Variants in SVEP1 observed in about 807,000 individuals in gnomAD.
SVEP1 encodes sushi, von Willebrand factor type A, EGF and pentraxin domain-containing protein 1.
A neutral mutation model predicts 367.3 loss-of-function variants in SVEP1; 164 were observed. That is an observed-to-expected ratio of 0.45 (90% CI 0.39 to 0.51). The LOEUF is 0.51. Among genes scored for constraint, SVEP1 ranks in the 20% least tolerant of loss-of-function variants. The probability of loss-of-function intolerance (pLI) is 0.00; values close to 1 mark genes in which losing one functional copy is unlikely to be tolerated. For synonymous variants in SVEP1, 1,666 were observed against 1,611.6 expected, an observed-to-expected ratio of 1.03 and a Z score of -0.81; for missense variants, 4,117 against 4,425.3, an observed-to-expected ratio of 0.93 and a Z score of 1.98.
chr9:110,407,947 G>A lies in SVEP1; in HGVS notation c.7653C>T (p.Cys2551=), dbSNP rs1827980520. Residue 2551 remains cysteine (C), a synonymous_variant, in exon 38 of 48, where the codon TGC becomes TGT. Coordinates refer to ENST00000374469, the MANE Select transcript of SVEP1 (RefSeq NM_153366.4). ...TGDWDVDAPS[C]NAIHCDSPQP... ...GTGGGGAATCACAGTGGATGGCATT[G>A]CAAGATGGGGCATCTACATCCCAAT... is the stretch of plus-strand genomic sequence containing the variant. The A allele has an allele frequency of 6.2e-7, 1 of 1,614,004 alleles. No individual in the cohort carries two copies. Among genetic ancestry groups the A allele is most frequent in the South Asian group, 1.1e-5 (1 of 91,084 alleles).
chr9:110,498,101 A>G (rs1378946245), intron 7 of SVEP1, among the ~76,000 whole-genome samples: 1 of 152,222 alleles, frequency 6.6e-6, no homozygotes, highest in Non-Finnish European at 1.5e-5. Context: ...TGGCATTTAA[A>G]GTTGTAAATG....
chr9:110,533,382 T>C (rs998347985), intron 3 of SVEP1, among the ~76,000 whole-genome samples: 1 of 152,190 alleles, frequency 6.6e-6, no homozygotes, highest in East Asian at 1.9e-4. Flanking sequence ...ACTCATGTCA[T>C]AGAGATGAAA....
rs759578781 is a variant in SVEP1 at position 110,411,486 on chromosome 9, C to A, written c.6225G>T (p.Met2075Ile). Residue 2075 changes from methionine to isoleucine, a missense_variant, in exon 37 of 48, where the codon ATG becomes ATT. Met to Ile is a conservative substitution (Grantham distance 10, BLOSUM62 1). Around this residue, in one of 4 missense-constraint regions of SVEP1, gnomAD observed 2,174 missense variants for 2,494.3 expected, o/e 0.87. Transcript: ENST00000374469. Reference protein sequence around the residue: ...GKWVPPEGQDMPRCIAHFCEK... With the variant: ...GKWVPPEGQDIPRCIAHFCEK... ...CACAGAAATGAGCTATACAACGGGG[C>A]ATGTCTTGACCTTCTGGGGGTACCC... The A allele has an allele frequency of 6.2e-6, 10 of 1,614,012 alleles. No homozygotes were observed. The South Asian group carries it at 1.1e-4, about 18-fold the overall frequency.
intron 19 of SVEP1, 35 bp from the exon 20 acceptor site, chr9:110,458,597 A>C (rs868023199): frequency 6.4e-7 from 1 of 1,570,128 alleles, no homozygotes. Context: ...TCAGTGTGGC[A>C]AATATGCCAG....
intron 23 of SVEP1, 25 bp from the exon 24 acceptor site, chr9:110,450,285 C>G: frequency 6.2e-7 from 1 of 1,611,068 alleles, no homozygotes; most frequent in Non-Finnish European, 8.5e-7. Context: ...GGAAGAGAAA[C>G]AGCCCAAATG....
In SVEP1 at chr9:110,434,386, T is replaced by A; in HGVS notation, c.5009A>T (p.Gln1670Leu). Residue 1670 changes from glutamine to leucine, a missense_variant, in exon 30 of 48, where the codon CAG becomes CTG. Gln to Leu is a moderately radical substitution (Grantham distance 113). Transcript: ENST00000374469. ...CCACTGTCCTTGATTCAGACAGTAC[T>A]GCACAGGGTTCCCGACCAGCTGGAA... is the stretch of plus-strand genomic sequence containing the variant. ...PGFQLVGNPV[Q>L]YCLNQGQWTQ... is the part of the protein sequence containing the mutation. 1 of 1,613,372 alleles carries A rather than the reference T, an allele frequency of 6.2e-7. No individual in the cohort carries two copies. Among genetic ancestry groups the A allele is most frequent in the Non-Finnish European group, 8.5e-7 (1 of 1,179,664 alleles).
chr9:110,390,341 T>TTG (rs1827632190), intron 40 of SVEP1, among the ~76,000 whole-genome samples: 1 of 30,424 alleles, frequency 3.3e-5, no homozygotes, highest in African/African-American at 2.6e-4. Flanking sequence ...ATACACATAC[T>TTG]TATATACACT....
chr9:110,455,456 T>G (rs1421040641), intron 22 of SVEP1, 134 bp downstream of exon 22: 2 of 667,048 alleles, frequency 3.0e-6, no homozygotes, highest in East Asian at 5.9e-5. Context: ...TAAGTAATAT[T>G]AGAAAATATG....
intron 40 of SVEP1, among the ~76,000 whole-genome samples, chr9:110,398,804 C>G (rs1588033630): frequency 6.6e-6 from 1 of 152,184 alleles, no homozygotes; most frequent in African/African-American, 2.4e-5. Flanking sequence ...GATGCCATCT[C>G]ACACCAGTTA....
At position 110,460,484 on chromosome 9, in the gene SVEP1, G is replaced by A. The variant is rs536433635; in HGVS notation, c.3323-1371C>T. On this transcript the variant is annotated intron_variant, in intron 18 of 47. Transcript: ENST00000374469. ...ATTCAAAGGAGTGGTGGGGTATGGT[G>A]GCTCATGCCTGTAACCCCAGCACTT... 2.0e-5 allele frequency among the ~76,000 whole-genome samples: 3 copies of A among 152,278 alleles called. No individual in the cohort carries two copies. The South Asian group carries it at 6.2e-4, about 32-fold the overall frequency.
intron 24 of SVEP1, among the ~76,000 whole-genome samples, chr9:110,447,661 TAGTG>T (rs35104176): frequency 0.011 from 1,632 of 152,346 alleles, 14 homozygotes; most frequent in Non-Finnish European, 0.014. Flanking sequence ...AAGTCCCATA[TAGTG>T]AGTAAGACTA....
chr9:110,434,616 G>A, intron 29 of SVEP1, 110 bp from the exon 30 acceptor site: 1 of 696,610 alleles, frequency 1.4e-6, no homozygotes, highest in South Asian at 3.2e-5. Flanking sequence ...CCACCTTACT[G>A]ATGTGAAAAC....
intron 41 of SVEP1, 147 bp downstream of exon 41, chr9:110,389,377 G>T: frequency 2.4e-6 from 2 of 828,418 alleles, no homozygotes; most frequent in Non-Finnish European, 3.7e-6. Flanking sequence ...CTGCCCTTGA[G>T]AAAAAGCCCA....
At chr9:110,529,284 T>C (rs566174986) in intron 3 of SVEP1, among the ~76,000 whole-genome samples, 29 of 152,098 alleles carry the variant, frequency 1.9e-4, no homozygotes, top group East Asian at 1.7e-3. Context: ...AGCTTTGTAG[T>C]ATAATTTGAA....
intron 31 of SVEP1, 111 bp downstream of exon 31, chr9:110,432,351 G>T: frequency 1.5e-6 from 2 of 1,365,542 alleles, no homozygotes; most frequent in Non-Finnish European, 2.0e-6. Flanking sequence ...GAGCTTACTG[G>T]GATGAGATAA....
chr9:110,424,173 A>T (rs1279126073), intron 36 of SVEP1, among the ~76,000 whole-genome samples: 1 of 152,222 alleles, frequency 6.6e-6, no homozygotes, highest in Non-Finnish European at 1.5e-5. Context: ...GTTCTTTTAC[A>T]TGTGTGCCAG....
chr9:110,493,986 T>C (rs953453323), intron 8 of SVEP1, among the ~76,000 whole-genome samples: 14 of 152,134 alleles, frequency 9.2e-5, no homozygotes, highest in Admixed American at 7.9e-4. Context: ...TCTCTGCACA[T>C]CTCTCAAATC....
chr9:110,430,162 TACCTC>T, intron 33 of SVEP1, 107 bp downstream of exon 33: 2 of 1,196,490 alleles, frequency 1.7e-6, no homozygotes, highest in Admixed American at 5.1e-5. Context: ...ATGAGCCTAA[TACCTC>T]AGTTCAAATA....
intron 9 of SVEP1, among the ~76,000 whole-genome samples, chr9:110,488,731 G>T (rs924765301): frequency 1.3e-5 from 2 of 151,966 alleles, no homozygotes; most frequent in African/African-American, 4.8e-5. Flanking sequence ...CAAATTAGCT[G>T]GGTGTGGTGG....
Sources: gnomAD v4.1 joint callset for allele counts (sites outside exome capture counted in the v4.1 genomes callset) on GRCh38, gnomAD v4.1.1 for gene constraint, gnomAD v4.1.1 regional missense constraint, MANE v1.5 for transcripts, NCBI Gene and HGNC (gene_info 2026-07-23, HGNC 2026-07-21) for gene names.